ARHGAP15: variants seen among roughly 807,000 people sequenced by gnomAD.
The protein encoded by ARHGAP15 is Rho GTPase activating protein 15, also known as rho GTPase-activating protein 15.
In ARHGAP15, 51 loss-of-function variants were observed where a neutral mutation model predicts 63.7. The observed-to-expected ratio is 0.80, with a 90% confidence interval of 0.64 to 1.01. ARHGAP15 has a LOEUF of 1.01. Among genes scored for constraint, ARHGAP15 ranks in the 50% least tolerant of loss-of-function variants. The probability of loss-of-function intolerance (pLI) is 0.00; values close to 1 mark genes in which losing one functional copy is unlikely to be tolerated. For missense variants in ARHGAP15, 560 were observed against 564.6 expected (o/e 0.99, Z 0.08); for synonymous variants, 191 against 193.8 (o/e 0.99, Z 0.12).
At chr2:143,167,439 G>A (rs1366705059) in intron 2 of ARHGAP15, among the ~76,000 whole-genome samples, 3 of 152,046 alleles carry the variant, frequency 2.0e-5, no homozygotes, top group Admixed American at 6.6e-5. Context: ...TGGATAATGG[G>A]ACAGCAGTCT....
chr2:143,415,811 A>G (rs1202201744), intron 6 of ARHGAP15, among the ~76,000 whole-genome samples: 1 of 152,192 alleles, frequency 6.6e-6, no homozygotes, highest in Non-Finnish European at 1.5e-5. Context: ...TGAATGAATT[A>G]ATGGCATTTG....
Position 143,585,423 on chromosome 2 carries a change from T to A in ARHGAP15, c.1003+28938T>A, listed in dbSNP as rs1697073967. On this transcript the variant is annotated intron_variant, in intron 11 of 13. Coordinates refer to ENST00000295095, the MANE Select transcript of ARHGAP15 (RefSeq NM_018460.4). ...ACATAAATATACACATAAATAAATA[T>A]CTTAATATTTAGTGAACAACACCAT... Among the ~76,000 whole-genome samples the A allele has an allele frequency of 2.0e-5, 3 of 152,198 alleles. No individual in the cohort carries two copies. In the South Asian group the frequency reaches 6.2e-4, roughly 32 times the overall value.
intron 12 of ARHGAP15, among the ~76,000 whole-genome samples, chr2:143,635,282 G>A (rs1680255997): frequency 7.7e-6 from 1 of 130,522 alleles, no homozygotes; most frequent in Non-Finnish European, 1.6e-5. Context: ...CGAACTCCCG[G>A]ACTCAAGCAA....
intron 8 of ARHGAP15, among the ~76,000 whole-genome samples, chr2:143,456,996 ATGG>A (rs1240861767): frequency 1.3e-5 from 2 of 152,074 alleles, no homozygotes; most frequent in East Asian, 3.8e-4. Context: ...AATTTAACAG[ATGG>A]TGAGTTAAAA....
rs70982868 is a variant in ARHGAP15, at chr2:143,461,281, C to CAAAAAAAAAAAAA, written c.703+24252_703+24264dup. 5.4e-5 allele frequency among the ~76,000 whole-genome samples: 3 copies of CAAAAAAAAAAAAA among 55,050 alleles called. 1 individual carries two copies. The highest frequency in any genetic ancestry group is 9.1e-5 in the Non-Finnish European group (3 of 33,032). The allele number at this position is 55,050 out of a possible 152,430, so 36.1% of individuals were successfully genotyped here. A position where few individuals can be genotyped will look rare whatever the true frequency, so the allele number is the denominator to read the frequency against. On this transcript the variant is annotated intron_variant, in intron 8 of 13. Coordinates refer to ENST00000295095, the MANE Select transcript of ARHGAP15 (RefSeq NM_018460.4). ...GGCTACAGAATGAGACTCTGTCTCT[C>CAAAAAAAAAAAAA]AAAAAAAAAAAAAAAAAAAAAAAAA...
At chr2:143,706,086 AC>A (rs1419435897) in intron 13 of ARHGAP15, among the ~76,000 whole-genome samples, 3 of 152,110 alleles carry the variant, frequency 2.0e-5, no homozygotes, top group Non-Finnish European at 4.4e-5. Context: ...CTAGCCACCA[AC>A]CTTTCTTGGG....
intron 6 of ARHGAP15, among the ~76,000 whole-genome samples, chr2:143,385,576 T>G (rs1469482577): frequency 6.6e-6 from 1 of 152,100 alleles, no homozygotes; most frequent in Non-Finnish European, 1.5e-5. Flanking sequence ...CTCCATATAT[T>G]TTTTCTGTAC....
chr2:143,436,055 T>C (rs1395168706), intron 7 of ARHGAP15, among the ~76,000 whole-genome samples: 1 of 152,100 alleles, frequency 6.6e-6, no homozygotes, highest in Non-Finnish European at 1.5e-5. Context: ...ATAAATAACA[T>C]ATTTAAGACT....
chr2:143,555,628 CT>C (rs901056764), intron 10 of ARHGAP15, among the ~76,000 whole-genome samples: 2 of 152,022 alleles, frequency 1.3e-5, no homozygotes, highest in African/African-American at 4.8e-5. Flanking sequence ...TTGAAATTCA[CT>C]GCCAGGATAA....
At chr2:143,752,511 T>C (rs2105529419) in intron 13 of ARHGAP15, among the ~76,000 whole-genome samples, 1 of 152,278 alleles carries the variant, frequency 6.6e-6, no homozygotes, top group South Asian at 2.1e-4. Context: ...CCTGCCACCA[T>C]CGATGGACTC....
At chr2:143,321,159 C>A (rs548350699) in intron 6 of ARHGAP15, among the ~76,000 whole-genome samples, 70 of 152,122 alleles carry the variant, frequency 4.6e-4, no homozygotes, top group African/African-American at 1.7e-3. Flanking sequence ...GAATGAAGAT[C>A]GTGTGAATGT....
intron 12 of ARHGAP15, among the ~76,000 whole-genome samples, chr2:143,678,749 A>G (rs965639072): frequency 6.6e-5 from 10 of 152,160 alleles, no homozygotes; most frequent in African/African-American, 2.4e-4. Flanking sequence ...GATTTTGGGG[A>G]TTGGAAAGAG....
chr2:143,673,722 TTGTGTGTGTGTG>T (rs70982878), intron 12 of ARHGAP15, among the ~76,000 whole-genome samples: 885 of 54,528 alleles, frequency 0.016, 64 homozygotes, highest in Admixed American at 0.025. Flanking sequence ...AGGCCTTATA[TTGTGTGTGTGTG>T]TGTGTGTGTG....
chr2:143,551,471 A>C (rs1695558342), intron 10 of ARHGAP15, among the ~76,000 whole-genome samples: 1 of 152,202 alleles, frequency 6.6e-6, no homozygotes, highest in African/African-American at 2.4e-5. Flanking sequence ...AGAACTGTTA[A>C]CAATAACTGT....
At chr2:143,475,614 G>A (rs1017463717) in intron 8 of ARHGAP15, among the ~76,000 whole-genome samples, 1 of 152,184 alleles carries the variant, frequency 6.6e-6, no homozygotes, top group Admixed American at 6.5e-5. Context: ...GGTGCCAAGA[G>A]CATGGGCCCC....
chr2:143,223,204 C>A (rs1182958891), intron 4 of ARHGAP15, among the ~76,000 whole-genome samples: 1 of 152,024 alleles, frequency 6.6e-6, no homozygotes, highest in Non-Finnish European at 1.5e-5. Flanking sequence ...AAACTCCTGA[C>A]CTCAAGTGAT....
At chr2:143,561,459 A>C (rs1362384513) in intron 11 of ARHGAP15, among the ~76,000 whole-genome samples, 1 of 151,958 alleles carries the variant, frequency 6.6e-6, no homozygotes, top group Non-Finnish European at 1.5e-5. Flanking sequence ...GTTTTCCTGA[A>C]CTGAAGAAAA....
intron 2 of ARHGAP15, among the ~76,000 whole-genome samples, chr2:143,182,951 A>T (rs543397322): frequency 6.6e-6 from 1 of 152,326 alleles, no homozygotes; most frequent in East Asian, 1.9e-4. Context: ...TGGAAGGATC[A>T]GGAGACCAAA....
chr2:143,271,964 GTT>G (rs1681309126), intron 6 of ARHGAP15, among the ~76,000 whole-genome samples: 1 of 152,232 alleles, frequency 6.6e-6, no homozygotes, highest in Admixed American at 6.5e-5. Flanking sequence ...ATTTCAAACA[GTT>G]TGTAGTTCTT....
Sources: gnomAD v4.1 joint callset for allele counts (sites outside exome capture counted in the v4.1 genomes callset) on GRCh38, gnomAD v4.1.1 for gene constraint, MANE v1.5 for transcripts, NCBI Gene and HGNC (gene_info 2026-07-23, HGNC 2026-07-21) for gene names.